Variants in RNF220 observed in about 807,000 individuals in gnomAD.
RNF220 encodes E3 ubiquitin-protein ligase RNF220.
A neutral mutation model predicts 67.1 loss-of-function variants in RNF220; 7 were observed. The observed-to-expected ratio is 0.10, with a 90% confidence interval of 0.06 to 0.20. RNF220 has a LOEUF of 0.20. Ranked by LOEUF, RNF220 falls within the 10% of genes least tolerant of loss-of-function variation. The probability of loss-of-function intolerance (pLI) is 1.00; values close to 1 mark genes in which losing one functional copy is unlikely to be tolerated. For missense variants in RNF220, 565 were observed against 740.3 expected, an observed-to-expected ratio of 0.76 and a Z score of 2.75; for synonymous variants, 270 against 283.2, an observed-to-expected ratio of 0.95 and a Z score of 0.47.
At chr1:44,635,645 T>C in intron 7 of RNF220, 57 bp downstream of exon 7, 1 of 1,613,980 alleles carries the variant, frequency 6.2e-7, no homozygotes, top group Non-Finnish European at 8.5e-7. Flanking sequence ...TGAGTAGGCA[T>C]GTGGAGCATT....
intron 2 of RNF220, among the ~76,000 whole-genome samples, chr1:44,414,836 T>C (rs1389100211): frequency 1.3e-5 from 2 of 151,748 alleles, no homozygotes; most frequent in Non-Finnish European, 2.9e-5. Flanking sequence ...CCCTGTGTTC[T>C]CCTTTTTTTT....
chr1:44,436,022 AG>A (rs927779573), intron 2 of RNF220, among the ~76,000 whole-genome samples: 1 of 152,162 alleles, frequency 6.6e-6, no homozygotes, highest in Admixed American at 6.5e-5. Flanking sequence ...TGATTTTAGG[AG>A]GAGTCAAATC....
chr1:44,587,905 C>T (rs907765760), intron 2 of RNF220, among the ~76,000 whole-genome samples: 2 of 152,162 alleles, frequency 1.3e-5, no homozygotes, highest in African/African-American at 4.8e-5. Context: ...TGTGCATTTG[C>T]GGCTATGTCC....
intron 2 of RNF220, among the ~76,000 whole-genome samples, chr1:44,444,719 G>T (rs908605308): frequency 6.6e-6 from 1 of 152,192 alleles, no homozygotes; most frequent in African/African-American, 2.4e-5. Context: ...GGGATTACAG[G>T]AGTGGGCCAC....
rs369435335 is a variant in RNF220, at chr1:44,645,796, C to G, written c.1445+308C>G. 6.6e-6 allele frequency among the ~76,000 whole-genome samples: 1 copy of G among 152,262 alleles called. No individual in the cohort carries two copies. Among genetic ancestry groups the G allele is most frequent in the Non-Finnish European group, 1.5e-5 (1 of 68,046 alleles). Reference sequence around the variant, plus strand: ...GTGATGTATGGCCGCCCAGCCCAGCCGGCACACTTGATTCATCTCCAGTTT... The same window carrying G: ...GTGATGTATGGCCGCCCAGCCCAGCGGGCACACTTGATTCATCTCCAGTTT... On this transcript the variant is annotated intron_variant, in intron 12 of 14. Coordinates refer to ENST00000361799, the MANE Select transcript of RNF220 (RefSeq NM_018150.4). This position sits in a 1 kb window ranked among gnomAD's most constrained non-coding sequence, Gnocchi z 5.0.
At chr1:44,416,975 C>G (rs1364354366) in intron 2 of RNF220, among the ~76,000 whole-genome samples, 2 of 152,130 alleles carry the variant, frequency 1.3e-5, no homozygotes, top group Admixed American at 1.3e-4. Flanking sequence ...AGGCCAAAGG[C>G]AGCCTGGAAT....
At chr1:44,516,244 A>C (rs1292906369) in intron 2 of RNF220, among the ~76,000 whole-genome samples, 2 of 152,240 alleles carry the variant, frequency 1.3e-5, no homozygotes, top group Admixed American at 1.3e-4. Flanking sequence ...TAGTCTACCA[A>C]GGAGACAGGC....
intron 2 of RNF220, among the ~76,000 whole-genome samples, chr1:44,562,201 A>G (rs1025820887): frequency 6.6e-6 from 1 of 152,152 alleles, no homozygotes; most frequent in Non-Finnish European, 1.5e-5. Flanking sequence ...GCCCAGCATG[A>G]GGTCTGAACG....
At chr1:44,574,505 T>C (rs965918830) in intron 2 of RNF220, among the ~76,000 whole-genome samples, 2 of 152,240 alleles carry the variant, frequency 1.3e-5, no homozygotes, top group African/African-American at 4.8e-5. Flanking sequence ...AGGGCTTCAC[T>C]GTGAATCTTT....
intron 2 of RNF220, among the ~76,000 whole-genome samples, chr1:44,505,671 G>A (rs1176142178): frequency 6.6e-6 from 1 of 152,174 alleles, no homozygotes; most frequent in African/African-American, 2.4e-5. Flanking sequence ...GAACAGTCCT[G>A]GCATAAAATG....
chr1:44,634,206 T>G (rs896833885), intron 6 of RNF220, among the ~76,000 whole-genome samples: 1 of 152,192 alleles, frequency 6.6e-6, no homozygotes, highest in African/African-American at 2.4e-5. Flanking sequence ...TGCTGCTCAG[T>G]TAGGAGGTCC....
intron 2 of RNF220, among the ~76,000 whole-genome samples, chr1:44,570,611 A>G (rs77216320): frequency 0.025 from 3,832 of 152,230 alleles, 164 homozygotes; most frequent in African/African-American, 0.086. Context: ...TTTTTACTTT[A>G]TTGATCCAAT....
chr1:44,632,408 C>T (rs770932658), intron 6 of RNF220, 23 bp downstream of exon 6: 21 of 1,597,082 alleles, frequency 1.3e-5, no homozygotes, highest in Middle Eastern at 2.1e-4. Context: ...CGGCCCCTCC[C>T]TCCGCCCCAC....
intron 2 of RNF220, among the ~76,000 whole-genome samples, chr1:44,506,132 G>A (rs1438165038): frequency 6.6e-6 from 1 of 152,234 alleles, no homozygotes; most frequent in African/African-American, 2.4e-5. Context: ...GCAATGCCCA[G>A]GCACTCTAGC....
At chr1:44,485,754 G>A (rs1459777942) in intron 2 of RNF220, among the ~76,000 whole-genome samples, 2 of 152,188 alleles carry the variant, frequency 1.3e-5, no homozygotes, top group Non-Finnish European at 2.9e-5. Flanking sequence ...TGTAATGTGA[G>A]CGACAGGTTT....
chr1:44,510,895 C>T (rs1281610443), intron 2 of RNF220, among the ~76,000 whole-genome samples: 4 of 152,140 alleles, frequency 2.6e-5, no homozygotes, highest in African/African-American at 9.7e-5. Flanking sequence ...AAAATGAAAA[C>T]CAAGATTTCC....
At chr1:44,509,700 C>A (rs1298671329) in intron 2 of RNF220, among the ~76,000 whole-genome samples, 1 of 151,066 alleles carries the variant, frequency 6.6e-6, no homozygotes, top group South Asian at 2.1e-4. Context: ...CCAGCCTGGC[C>A]AACATGGCAA....
At chr1:44,415,495 T>C (rs1358220212) in intron 2 of RNF220, among the ~76,000 whole-genome samples, 5 of 101,038 alleles carry the variant, frequency 4.9e-5, no homozygotes, top group Non-Finnish European at 2.1e-5. Flanking sequence ...TAACCATATA[T>C]GGTTGATATA....
chr1:44,431,262 G>A (rs1000205965), intron 2 of RNF220, among the ~76,000 whole-genome samples: 5 of 152,076 alleles, frequency 3.3e-5, no homozygotes, highest in African/African-American at 4.8e-5. Context: ...TTGGGAGGCC[G>A]AGGTGGGTGG....
Sources: allele counts gnomAD v4.1 joint callset (sites outside exome capture counted in the v4.1 genomes callset), GRCh38; gene constraint gnomAD v4.1.1; non-coding constraint Gnocchi (gnomAD v3.1); transcripts MANE v1.5; gene names NCBI Gene and HGNC (gene_info 2026-07-23, HGNC 2026-07-21).